SPATA13: variants seen among roughly 807,000 people sequenced by gnomAD.
SPATA13 encodes the protein spermatogenesis-associated protein 13.
Under a neutral mutation model 104.0 loss-of-function variants are expected in SPATA13, and 50 were observed. The ratio of observed to expected loss-of-function variants is 0.48; its 90% CI spans 0.38 to 0.61. The LOEUF (loss-of-function observed/expected upper bound fraction) is 0.61. Among genes scored for constraint, SPATA13 ranks in the 20% least tolerant of loss-of-function variants. The pLI, the probability that SPATA13 is intolerant of heterozygous loss-of-function variation, is 0.00. For synonymous variants in SPATA13, 606 were observed against 667.5 expected, an observed-to-expected ratio of 0.91 and a Z score of 1.42; for missense variants, 1,524 against 1,690.6, an observed-to-expected ratio of 0.90 and a Z score of 1.73.
intron 3 of SPATA13, among the ~76,000 whole-genome samples, chr13:24,060,234 C>G (rs1878726470): frequency 6.6e-6 from 1 of 152,116 alleles, no homozygotes; most frequent in African/African-American, 2.4e-5. Flanking sequence ...CAAAAACAGG[C>G]ACACAGGCCA....
chr13:24,302,113 G>A (rs946465709), intron 12 of SPATA13, among the ~76,000 whole-genome samples: 4 of 152,026 alleles, frequency 2.6e-5, no homozygotes, highest in Admixed American at 6.6e-5. Context: ...GCCACTTCCC[G>A]CTGCACGTCC....
chr13:24,212,170 T>C (rs967121541), intron 1 of SPATA13, among the ~76,000 whole-genome samples: 2 of 151,940 alleles, frequency 1.3e-5, no homozygotes, highest in Non-Finnish European at 2.9e-5. Context: ...CCCAGTACTT[T>C]GGGAGGCCAA....
At chr13:24,157,459 C>T (rs1049206974), upstream of SPATA13, among the ~76,000 whole-genome samples, 1 of 152,048 alleles carries the variant, frequency 6.6e-6, no homozygotes, top group Non-Finnish European at 1.5e-5. Context: ...CCACCACGCC[C>T]GGCTAATTTT....
At chr13:24,164,325 T>C (rs1318630989) in intron 1 of SPATA13, among the ~76,000 whole-genome samples, 2 of 152,230 alleles carry the variant, frequency 1.3e-5, no homozygotes, top group Non-Finnish European at 2.9e-5. Context: ...GCCCCCTTGC[T>C]CCTGCCTCTG....
chr13:24,270,992 C>CCCCT, intron 4 of SPATA13: 1 of 851,380 alleles, frequency 1.2e-6, no homozygotes, highest in African/African-American at 1.7e-5. Context: ...CAGTTCTTCC[C>CCCCT]CTCTCTCTCT....
chr13:24,145,875 G>A (rs566580391), intron 3 of SPATA13, among the ~76,000 whole-genome samples: 1 of 152,340 alleles, frequency 6.6e-6, no homozygotes, highest in African/African-American at 2.4e-5. Flanking sequence ...TTGGAGGAGA[G>A]AGAGCTCTAT....
chr13:24,123,640 T>C (rs1881115621), intron 3 of SPATA13: 1 of 1,605,456 alleles, frequency 6.2e-7, no homozygotes, highest in East Asian at 2.2e-5. Context: ...GTAGGAGAAA[T>C]GAAATCTTCA....
chr13:24,269,435 T>C (rs1874454436), intron 4 of SPATA13, among the ~76,000 whole-genome samples: 1 of 152,184 alleles, frequency 6.6e-6, no homozygotes, highest in Admixed American at 6.5e-5. Context: ...TCTAGCTCTG[T>C]AACTCACAAC....
chr13:24,015,926 T>C (rs889266520), intron 2 of SPATA13, among the ~76,000 whole-genome samples: 2 of 152,240 alleles, frequency 1.3e-5, no homozygotes, highest in African/African-American at 4.8e-5. Flanking sequence ...GATTTGAGCA[T>C]CAAAGACACG....
At chr13:24,086,896 G>T (rs1879743777) in intron 3 of SPATA13, among the ~76,000 whole-genome samples, 1 of 152,198 alleles carries the variant, frequency 6.6e-6, no homozygotes, top group Admixed American at 6.5e-5. Context: ...CAGAGGAGCA[G>T]CCCAGGAGGG....
rs779591912 is a variant in SPATA13, at chr13:24,224,330, C to A, written c.1401C>A (p.Thr467=). The A allele has an allele frequency of 2.8e-5, 43 of 1,551,624 alleles. No individual in the cohort carries two copies. The highest frequency in any genetic ancestry group is 3.7e-5 in the Non-Finnish European group (43 of 1,147,016). ...PEQPPTPLRP[T]TPKPQSPQSP... is the part of the protein sequence containing the mutation. ...AGCCTCCCACCCCTCTAAGGCCCACCACACCCAAGCCCCAGAGCCCTCAGA... is the reference window on the plus strand; with the variant it reads ...AGCCTCCCACCCCTCTAAGGCCCACAACACCCAAGCCCCAGAGCCCTCAGA... The change falls in exon 2 of 13, where the codon ACC becomes ACA. Residue 467 remains threonine (T), a synonymous_variant. Coordinates refer to ENST00000382108, the MANE Select transcript of SPATA13 (RefSeq NM_001166271.3).
intron 1 of SPATA13, among the ~76,000 whole-genome samples, chr13:24,176,344 T>C (rs1868435402): frequency 6.6e-6 from 1 of 152,208 alleles, no homozygotes; most frequent in African/African-American, 2.4e-5. Flanking sequence ...GTTTAACCCA[T>C]TTTATTTACC....
At position 24,106,335 on chromosome 13, in the gene SPATA13, A is replaced by C. The variant is rs61559266; in HGVS notation, c.-112+88634A>C. 5.0e-3 allele frequency among the ~76,000 whole-genome samples: 758 copies of C among 152,312 alleles called. 6 individuals carry two copies. The highest frequency in any genetic ancestry group is 0.017 in the African/African-American group (719 of 41,560). ...GTTGTGAGCTACCTTACCTGGCCTA[A>C]GATTTCTAATTAAAAGAAATCTTCC... On this transcript the variant is annotated intron_variant, in intron 3 of 14. Coordinates refer to the SPATA13 transcript ENST00000424834.
At chr13:24,079,128 G>C (rs568752760) in intron 3 of SPATA13, among the ~76,000 whole-genome samples, 1 of 152,162 alleles carries the variant, frequency 6.6e-6, no homozygotes, top group African/African-American at 2.4e-5. Flanking sequence ...GAAGGGAAGA[G>C]GGGGAGCAGT....
At chr13:24,016,933 TG>T (rs1451426450) in intron 2 of SPATA13, among the ~76,000 whole-genome samples, 11 of 152,238 alleles carry the variant, frequency 7.2e-5, no homozygotes, top group Non-Finnish European at 1.6e-4. Flanking sequence ...TTTTAGTTAC[TG>T]AATGACAGTG....
intron 1 of SPATA13, among the ~76,000 whole-genome samples, chr13:24,219,917 G>C (rs1439699079): frequency 1.3e-5 from 2 of 152,142 alleles, no homozygotes; most frequent in Admixed American, 1.3e-4. Flanking sequence ...AAGGAACTTT[G>C]CTGGTTTCAA....
intron 1 of SPATA13, among the ~76,000 whole-genome samples, chr13:24,212,277 A>G (rs1159930951): frequency 1.4e-5 from 2 of 141,040 alleles, no homozygotes; most frequent in Non-Finnish European, 3.1e-5. Context: ...CCTGGGTGAC[A>G]GAGTGAGACC....
intron 3 of SPATA13, among the ~76,000 whole-genome samples, chr13:24,027,114 C>G (rs985248275): frequency 2.0e-5 from 3 of 146,750 alleles, no homozygotes; most frequent in African/African-American, 7.5e-5. Context: ...CTTTTTGTTC[C>G]TGATATTTTT....
chr13:24,220,878 G>A (rs961813579), intron 1 of SPATA13, among the ~76,000 whole-genome samples: 1 of 152,230 alleles, frequency 6.6e-6, no homozygotes, highest in Non-Finnish European at 1.5e-5. Flanking sequence ...GGGCGTAGGA[G>A]CAGAAGAGAG....
Sources: allele counts gnomAD v4.1 joint callset (sites outside exome capture counted in the v4.1 genomes callset), GRCh38; gene constraint gnomAD v4.1.1; transcripts MANE v1.5; gene names NCBI Gene and HGNC (gene_info 2026-07-23, HGNC 2026-07-21).